Variants in HDAC9 observed in about 807,000 individuals in gnomAD.
HDAC9 encodes histone deacetylase 9.
HDAC9 carries 41 observed loss-of-function variants against 139.4 expected under a neutral mutation model. The observed-to-expected ratio is 0.29, with a 90% CI of 0.23 to 0.38. The LOEUF is 0.38. HDAC9 is among the 10% of genes least tolerant of loss of function. The probability of loss-of-function intolerance (pLI) is 1.00; values close to 1 mark genes in which losing one functional copy is unlikely to be tolerated. For missense variants in HDAC9, 1,147 were observed against 1,297.0 expected (o/e 0.88, Z 1.78); for synonymous variants, 517 against 476.2 (o/e 1.09, Z -1.12).
chr7:18,616,979 C>T (rs568496144), intron 6 of HDAC9, among the ~76,000 whole-genome samples: 1 of 152,302 alleles, frequency 6.6e-6, no homozygotes, highest in Admixed American at 6.5e-5. Flanking sequence ...TTAAGCTGAA[C>T]AATGTGATTC....
chr7:18,144,992 G>A (rs147405256), intron 1 of HDAC9, among the ~76,000 whole-genome samples: 5 of 152,236 alleles, frequency 3.3e-5, no homozygotes, highest in African/African-American at 9.6e-5. Flanking sequence ...TGTCATCACC[G>A]ACTCTGGGAA....
Position 18,666,267 on chromosome 7 carries a change from G to A in HDAC9, c.1522G>A (p.Ala508Thr). 1 of 1,613,412 alleles carries A rather than the reference G, an allele frequency of 6.2e-7. No individual in the cohort carries two copies. The highest frequency in any genetic ancestry group is 8.5e-7 in the Non-Finnish European group (1 of 1,179,544). ...LKQPGSHLEEAEEELQGDQAM... is the reference protein window; with the variant it reads ...LKQPGSHLEETEEELQGDQAM... ...GCAACCAGGCAGTCACCTTGAGGAA[G>A]CAGAGGAAGAGCTTCAGGGGGACCA... The change falls in exon 12 of 26, where the codon GCA becomes ACA. Residue 508 changes from alanine (A) to threonine (T), a missense_variant. By Grantham distance (58) the Ala-to-Thr change is moderately conservative (BLOSUM62 0). Around this residue, in one of 7 missense-constraint regions of HDAC9, gnomAD observed 256 missense variants for 219.2 expected, o/e 1.17. Coordinates refer to ENST00000686413, the MANE Select transcript of HDAC9 (RefSeq NM_178425.4).
intron 2 of HDAC9, among the ~76,000 whole-genome samples, chr7:18,268,325 T>G (rs1796125483): frequency 6.6e-6 from 1 of 152,184 alleles, no homozygotes; most frequent in Non-Finnish European, 1.5e-5. Flanking sequence ...CTTTGATGGC[T>G]ATATCTTATT....
At chr7:18,117,525 G>A (rs1388729699) in intron 1 of HDAC9, among the ~76,000 whole-genome samples, 2 of 151,124 alleles carry the variant, frequency 1.3e-5, no homozygotes, top group Non-Finnish European at 3.0e-5. Flanking sequence ...AAAAAGAGAA[G>A]AGATAGAGAG....
intron 12 of HDAC9, among the ~76,000 whole-genome samples, chr7:18,711,331 T>C (rs1409157690): frequency 1.3e-5 from 2 of 152,218 alleles, no homozygotes; most frequent in East Asian, 3.8e-4. Context: ...CTGCTGCAAC[T>C]CTGGTTCCGG....
intron 1 of HDAC9, among the ~76,000 whole-genome samples, chr7:18,116,749 A>G (rs921681186): frequency 2.0e-5 from 3 of 152,148 alleles, no homozygotes; most frequent in Non-Finnish European, 2.9e-5. Context: ...GCTGTATTTC[A>G]TAGTGATTGA....
At chr7:18,298,169 A>G (rs1798269794) in intron 1 of HDAC9, among the ~76,000 whole-genome samples, 2 of 152,158 alleles carry the variant, frequency 1.3e-5, no homozygotes, top group Admixed American at 1.3e-4. Context: ...TGGCAGAGGT[A>G]AGCTAAACAG....
intron 2 of HDAC9, among the ~76,000 whole-genome samples, chr7:18,580,499 A>T (rs551142667): frequency 5.0e-4 from 76 of 152,302 alleles, no homozygotes; most frequent in Non-Finnish European, 9.0e-4. Context: ...TTTATTTGCA[A>T]CCTCAGACAA....
At chr7:18,539,796 T>TTCTA (rs1165354819) in intron 2 of HDAC9, among the ~76,000 whole-genome samples, 1 of 152,052 alleles carries the variant, frequency 6.6e-6, no homozygotes, top group Non-Finnish European at 1.5e-5. Flanking sequence ...GATGAGGCTC[T>TTCTA]TCTACATCTT....
chr7:18,914,986 T>G (rs1369471191), intron 22 of HDAC9, among the ~76,000 whole-genome samples: 2 of 152,112 alleles, frequency 1.3e-5, no homozygotes, highest in African/African-American at 2.4e-5. Context: ...GTAGCTTGTT[T>G]GTGGGCTTAA....
At chr7:18,526,894 C>G (rs1268004790) in intron 2 of HDAC9, among the ~76,000 whole-genome samples, 1 of 151,982 alleles carries the variant, frequency 6.6e-6, no homozygotes, top group Non-Finnish European at 1.5e-5. Flanking sequence ...AATGTTCTGT[C>G]TAGTCAATAA....
intron 25 of HDAC9, among the ~76,000 whole-genome samples, chr7:18,995,279 A>G (rs1786371118): frequency 6.6e-6 from 1 of 152,156 alleles, no homozygotes. Flanking sequence ...TGACAATCCA[A>G]CTACCTCATG....
intron 24 of HDAC9, among the ~76,000 whole-genome samples, chr7:18,973,568 G>A (rs142499527): frequency 3.5e-3 from 530 of 152,220 alleles, no homozygotes; most frequent in African/African-American, 0.012. Flanking sequence ...CTCCCCTAAT[G>A]TGACATCTGT....
chr7:18,098,432 C>T (rs1782647434), intron 1 of HDAC9, among the ~76,000 whole-genome samples: 1 of 152,174 alleles, frequency 6.6e-6, no homozygotes, highest in East Asian at 1.9e-4. Flanking sequence ...GAATTTTCCA[C>T]TCATTTTCTG....
At chr7:18,287,194 T>A (rs1350423948), upstream of HDAC9, among the ~76,000 whole-genome samples, 1 of 152,204 alleles carries the variant, frequency 6.6e-6, no homozygotes, top group African/African-American at 2.4e-5. Flanking sequence ...GGAAATATAT[T>A]TTCTATTGCT....
At chr7:18,831,148 G>T (rs1795829140) in intron 19 of HDAC9, among the ~76,000 whole-genome samples, 1 of 152,080 alleles carries the variant, frequency 6.6e-6, no homozygotes, top group Admixed American at 6.5e-5. Context: ...ATCTTTTAGT[G>T]TTTACTTTCT....
intron 1 of HDAC9, among the ~76,000 whole-genome samples, chr7:18,294,396 C>T (rs965432533): frequency 2.6e-5 from 4 of 152,010 alleles, no homozygotes; most frequent in African/African-American, 7.3e-5. Context: ...ACATGTGATA[C>T]ATGTTAAGTA....
intron 1 of HDAC9, among the ~76,000 whole-genome samples, chr7:18,160,482 A>G (rs1171772561): frequency 2.0e-5 from 3 of 152,162 alleles, no homozygotes; most frequent in Non-Finnish European, 4.4e-5. Flanking sequence ...TTTCTCACCT[A>G]TTAGGTCCAG....
intron 2 of HDAC9, among the ~76,000 whole-genome samples, chr7:18,547,214 G>T (rs1330198821): frequency 6.6e-6 from 1 of 152,176 alleles, no homozygotes; most frequent in Non-Finnish European, 1.5e-5. Flanking sequence ...GGTGGTTGCT[G>T]AAGGATAGGG....
Sources: gnomAD v4.1 joint callset for allele counts (sites outside exome capture counted in the v4.1 genomes callset) on GRCh38, gnomAD v4.1.1 for gene constraint, gnomAD v4.1.1 regional missense constraint, MANE v1.5 for transcripts, NCBI Gene and HGNC (gene_info 2026-07-23, HGNC 2026-07-21) for gene names.